The following SSH2 variants were observed in gnomAD, a reference collection of about 807,000 sequenced individuals.
SSH2 encodes the protein protein phosphatase Slingshot homolog 2.
A neutral mutation model predicts 135.2 loss-of-function variants in SSH2; 37 were observed. The observed-to-expected ratio is 0.27, with a 90% CI of 0.21 to 0.36. The LOEUF (loss-of-function observed/expected upper bound fraction) is 0.36, where lower values mean the gene tolerates loss of function less well. Among genes scored for constraint, SSH2 ranks in the 10% least tolerant of loss-of-function variants. The probability of loss-of-function intolerance (pLI) is 1.00; values close to 1 mark genes in which losing one functional copy is unlikely to be tolerated. For synonymous variants in SSH2, 628 were observed against 646.2 expected, an observed-to-expected ratio of 0.97 and a Z score of 0.43; for missense variants, 1,408 against 1,765.3, an observed-to-expected ratio of 0.80 and a Z score of 3.63.
chr17:29,859,931 C>T (rs893702919), intron 1 of SSH2, among the ~76,000 whole-genome samples: 2 of 152,134 alleles, frequency 1.3e-5, no homozygotes, highest in African/African-American at 4.8e-5. Flanking sequence ...ACTGCAACCT[C>T]CACCTCCTGA....
At chr17:29,868,473 C>T (rs2065889502) in intron 1 of SSH2, among the ~76,000 whole-genome samples, 2 of 152,172 alleles carry the variant, frequency 1.3e-5, no homozygotes, top group South Asian at 4.1e-4. Context: ...TGCGGTGTCT[C>T]ATGCCTGTAA....
At chr17:29,705,265 T>C (rs752052222) in intron 3 of SSH2, among the ~76,000 whole-genome samples, 7 of 152,214 alleles carry the variant, frequency 4.6e-5, no homozygotes, top group Admixed American at 1.3e-4. Context: ...CTTGGACCAC[T>C]ATTTAAAAAG....
chr17:29,796,353 T>C (rs984233873), intron 2 of SSH2, among the ~76,000 whole-genome samples: 12 of 152,244 alleles, frequency 7.9e-5, no homozygotes, highest in Non-Finnish European at 1.0e-4. Context: ...TTCTATACTT[T>C]TTTTTGAGAC....
At chr17:29,751,788 G>A (rs1360226999) in intron 3 of SSH2, among the ~76,000 whole-genome samples, 1 of 152,104 alleles carries the variant, frequency 6.6e-6, no homozygotes, top group Non-Finnish European at 1.5e-5. Context: ...AATCATCCAT[G>A]AAGAAAAGTC....
At chr17:29,761,028 C>A (rs541867551) in intron 3 of SSH2, 25 of 1,068,356 alleles carry the variant, frequency 2.3e-5, no homozygotes, top group South Asian at 1.4e-4. Context: ...GACCTCCAGG[C>A]AAGCAGGATG....
At chr17:29,886,034 C>G (rs906027151) in intron 1 of SSH2, among the ~76,000 whole-genome samples, 1 of 152,050 alleles carries the variant, frequency 6.6e-6, no homozygotes, top group Non-Finnish European at 1.5e-5. Flanking sequence ...ATAAAGATAC[C>G]CGAAAATGTG....
In SSH2 at chr17:29,673,274, A is replaced by G. The variant is rs2037566514; in HGVS notation, c.615-1145T>C. ...GCTATAAACTAATGTCTCCCTAAGA[A>G]AAAAAGACATTATGGCCAGGCACGG... On this transcript the variant is annotated intron_variant, in intron 8 of 15. Coordinates refer to ENST00000540801, the MANE Select transcript of SSH2 (RefSeq NM_001282129.2). Among the ~76,000 whole-genome samples the G allele has an allele frequency of 2.0e-5, 3 of 152,046 alleles. No individual in the cohort carries two copies. In the South Asian group the frequency reaches 6.2e-4, roughly 32 times the overall value.
At chr17:29,838,747 C>A (rs1311810296) in intron 2 of SSH2, among the ~76,000 whole-genome samples, 1 of 152,098 alleles carries the variant, frequency 6.6e-6, no homozygotes, top group African/African-American at 2.4e-5. Flanking sequence ...AGGAGCTACC[C>A]ACTGTGGGTC....
intron 3 of SSH2, among the ~76,000 whole-genome samples, chr17:29,710,880 C>T (rs956077230): frequency 6.6e-6 from 1 of 152,164 alleles, no homozygotes; most frequent in Non-Finnish European, 1.5e-5. Flanking sequence ...TAGAATACAA[C>T]AGGAGAAAAT....
chr17:29,642,406 C>T (rs1433970086), intron 14 of SSH2, among the ~76,000 whole-genome samples: 2 of 152,140 alleles, frequency 1.3e-5, no homozygotes, highest in East Asian at 3.9e-4. Context: ...AAACCTAATA[C>T]CACAGACACA....
intron 11 of SSH2, among the ~76,000 whole-genome samples, chr17:29,663,011 C>T (rs1332067085): frequency 6.6e-6 from 1 of 152,226 alleles, no homozygotes; most frequent in Non-Finnish European, 1.5e-5. Flanking sequence ...GCTGATGATA[C>T]TGAAACTTAG....
intron 1 of SSH2, among the ~76,000 whole-genome samples, chr17:29,878,731 G>T (rs775121941): frequency 9.2e-5 from 14 of 151,944 alleles, no homozygotes; most frequent in Admixed American, 2.6e-4. Flanking sequence ...TTACCATAAG[G>T]CATATGCAAA....
chr17:29,814,214 T>C (rs992568591), intron 2 of SSH2, among the ~76,000 whole-genome samples: 3 of 139,250 alleles, frequency 2.2e-5, no homozygotes, highest in Non-Finnish European at 3.1e-5. Flanking sequence ...GGTGGGCGGA[T>C]CACCAGGTCA....
intron 14 of SSH2, 41 bp from the exon 15 acceptor site, chr17:29,636,843 T>A: frequency 7.1e-7 from 1 of 1,408,640 alleles, no homozygotes; most frequent in South Asian, 1.3e-5. Context: ...ATCTGGTTTG[T>A]AAAGATAATC....
intron 4 of SSH2, among the ~76,000 whole-genome samples, chr17:29,696,174 TACACACACACACACAC>T (rs199942164): frequency 7.3e-6 from 1 of 137,162 alleles, no homozygotes; most frequent in East Asian, 2.2e-4. Flanking sequence ...TGTATATATA[TACACACACACACACAC>T]ACACACACAC....
chr17:29,806,273 T>C (rs1020142904), intron 2 of SSH2, among the ~76,000 whole-genome samples: 1 of 152,224 alleles, frequency 6.6e-6, no homozygotes, highest in African/African-American at 2.4e-5. Context: ...GGTATGATTA[T>C]AGCCTTATTT....
At chr17:29,848,007 A>G (rs1169781519) in intron 2 of SSH2, among the ~76,000 whole-genome samples, 1 of 152,160 alleles carries the variant, frequency 6.6e-6, no homozygotes, top group Non-Finnish European at 1.5e-5. Context: ...GTGCTGTTCC[A>G]CAAGGAGCAG....
intron 3 of SSH2, among the ~76,000 whole-genome samples, chr17:29,718,005 A>T (rs1292462769): frequency 6.6e-6 from 1 of 152,234 alleles, no homozygotes; most frequent in African/African-American, 2.4e-5. Flanking sequence ...GAGACCAAAG[A>T]GGTAGAGAAG....
At chr17:29,761,322 T>TGCTCC (rs1290802083) in intron 3 of SSH2, 1 of 1,155,102 alleles carries the variant, frequency 8.7e-7, no homozygotes, top group African/African-American at 1.7e-5. Flanking sequence ...GCCTCTGCTC[T>TGCTCC]GCTCCGGCAC....
Sources: allele counts gnomAD v4.1 joint callset (sites outside exome capture counted in the v4.1 genomes callset), GRCh38; gene constraint gnomAD v4.1.1; transcripts MANE v1.5; gene names NCBI Gene and HGNC (gene_info 2026-07-23, HGNC 2026-07-21).